The following AUTS2 variants were observed in gnomAD, a reference collection of about 807,000 sequenced individuals.
AUTS2 encodes the protein activator of transcription and developmental regulator AUTS2.
A neutral mutation model predicts 112.4 loss-of-function variants in AUTS2; 17 were observed. That is an observed-to-expected ratio of 0.15 (90% CI 0.10 to 0.23). The LOEUF (loss-of-function observed/expected upper bound fraction) is 0.23, where lower values mean the gene tolerates loss of function less well. Among genes scored for constraint, AUTS2 ranks in the 10% least tolerant of loss-of-function variants. The pLI is 1.00. For synonymous variants in AUTS2, 751 were observed against 702.7 expected, an observed-to-expected ratio of 1.07 and a Z score of -1.09; for missense variants, 1,510 against 1,701.6, an observed-to-expected ratio of 0.89 and a Z score of 1.98.
At chr7:70,159,586 C>A (rs191671952) in intron 4 of AUTS2, among the ~76,000 whole-genome samples, 6 of 152,212 alleles carry the variant, frequency 3.9e-5, no homozygotes, top group Admixed American at 1.3e-4. Flanking sequence ...AAATACTGAG[C>A]AGCTTTTTGT....
At chr7:70,217,672 G>A (rs767491520) in intron 4 of AUTS2, among the ~76,000 whole-genome samples, 10 of 152,052 alleles carry the variant, frequency 6.6e-5, no homozygotes, top group Non-Finnish European at 1.3e-4. Context: ...GATTAGCCAG[G>A]GCAGGAGAAG....
At chr7:70,419,593 A>G (rs922553061) in intron 4 of AUTS2, among the ~76,000 whole-genome samples, 2 of 152,212 alleles carry the variant, frequency 1.3e-5, no homozygotes, top group Non-Finnish European at 2.9e-5. Context: ...TTTTAAACAA[A>G]TTATTATAGA....
At chr7:70,725,206 A>T (rs1786955939) in intron 6 of AUTS2, among the ~76,000 whole-genome samples, 1 of 152,202 alleles carries the variant, frequency 6.6e-6, no homozygotes, top group Non-Finnish European at 1.5e-5. Flanking sequence ...TGGACTTTGA[A>T]AGTGGTTTAC....
At chr7:70,384,092 T>C (rs1395311424) in intron 4 of AUTS2, among the ~76,000 whole-genome samples, 1 of 152,216 alleles carries the variant, frequency 6.6e-6, no homozygotes, top group Non-Finnish European at 1.5e-5. Flanking sequence ...AAGTGAAGCT[T>C]GACGGGAACA....
chr7:69,619,878 AAC>A (rs1447909455), intron 1 of AUTS2, among the ~76,000 whole-genome samples: 3 of 152,138 alleles, frequency 2.0e-5, no homozygotes, highest in Admixed American at 6.6e-5. Context: ...TGATGTGTCT[AAC>A]ACAGAAAAAG....
intron 5 of AUTS2, among the ~76,000 whole-genome samples, chr7:70,520,300 C>T (rs1799590485): frequency 6.6e-6 from 1 of 152,204 alleles, no homozygotes; most frequent in South Asian, 2.1e-4. Context: ...TGGAATAAAA[C>T]CCAAGTCTGT....
chr7:70,251,766 T>C (rs1433414976), intron 4 of AUTS2, among the ~76,000 whole-genome samples: 1 of 152,128 alleles, frequency 6.6e-6, no homozygotes, highest in Non-Finnish European at 1.5e-5. Flanking sequence ...TCAATTTTGA[T>C]TAATATAGTT....
intron 6 of AUTS2, among the ~76,000 whole-genome samples, chr7:70,724,697 G>A (rs774790506): frequency 4.0e-5 from 6 of 151,616 alleles, no homozygotes; most frequent in Non-Finnish European, 7.4e-5. Flanking sequence ...CGCTTGCCTC[G>A]GCCTCCCAAA....
chr7:69,932,724 T>C (rs768716902), intron 2 of AUTS2, among the ~76,000 whole-genome samples: 4 of 152,240 alleles, frequency 2.6e-5, no homozygotes, highest in Non-Finnish European at 4.4e-5. Flanking sequence ...GACTTCAGCT[T>C]CTACTTTAGT....
chr7:70,149,117 ATGTTATTACCAT>A (rs143711479), intron 4 of AUTS2, among the ~76,000 whole-genome samples: 6,796 of 152,166 alleles, frequency 0.045, 189 homozygotes, highest in East Asian at 0.12. Flanking sequence ...TATTTCTAAG[ATGTTATTACCAT>A]GCAGTATGCT....
intron 5 of AUTS2, among the ~76,000 whole-genome samples, chr7:70,652,834 T>G (rs561666320): frequency 2.0e-5 from 3 of 152,350 alleles, no homozygotes; most frequent in African/African-American, 7.2e-5. Context: ...GCAATGGTGG[T>G]GTTTTTTGGT....
chr7:70,263,884 C>T (rs1402278390), intron 4 of AUTS2, among the ~76,000 whole-genome samples: 2 of 152,186 alleles, frequency 1.3e-5, no homozygotes, highest in East Asian at 3.8e-4. Flanking sequence ...TAATTTCCTT[C>T]AAGAGCCTGA....
rs546959320 is a variant in AUTS2 at position 70,457,557 on chromosome 7, C to T, written c.690+21776C>T. ...GTCCACAACCAATATGACTAAAGTA[C>T]GGTGGAAAGACAAGTATTTTTTGTC... On this transcript the variant is annotated intron_variant, in intron 5 of 18. Coordinates refer to ENST00000342771, the MANE Select transcript of AUTS2 (RefSeq NM_015570.4). Among the ~76,000 whole-genome samples the T allele has an allele frequency of 5.3e-5, 8 of 152,150 alleles. No individual in the cohort carries two copies. The East Asian group carries it at 9.6e-4, about 18-fold the overall frequency.
chr7:70,183,479 A>T (rs1359890074), intron 4 of AUTS2, among the ~76,000 whole-genome samples: 1 of 152,032 alleles, frequency 6.6e-6, no homozygotes, highest in Non-Finnish European at 1.5e-5. Context: ...CCCTCCCCTC[A>T]TGGTTTTGGC....
At position 70,790,515 on chromosome 7, in the gene AUTS2, C is replaced by T. The variant is rs555021087; in HGVS notation, c.3299C>T (p.Pro1100Leu). 2.5e-6 allele frequency: 4 copies of T among 1,611,042 alleles called. No individual in the cohort carries two copies. The highest frequency in any genetic ancestry group is 3.4e-6 in the Non-Finnish European group (4 of 1,179,098). The change falls in exon 19 of 19, where the codon CCG (proline) becomes CTG (leucine). Residue 1100 changes from proline (P) to leucine (L), a missense_variant. This residue lies in a region of AUTS2 where 788 missense variants were observed against 797.6 expected (regional missense o/e 0.99). Coordinates refer to ENST00000342771, the MANE Select transcript of AUTS2 (RefSeq NM_015570.4). The surrounding 1 kb of genome is among the most constrained non-coding windows in gnomAD (Gnocchi z 7.6). ...LGRDFLLRND[P>L]LHRLSTPRLY... is the part of the protein sequence containing the mutation. ...AGGGACTTCCTGCTAAGGAACGACCCGCTCCACCGGCTCTCGACTCCCCGG... is the reference window on the plus strand; with the variant it reads ...AGGGACTTCCTGCTAAGGAACGACCTGCTCCACCGGCTCTCGACTCCCCGG...
chr7:69,997,593 AG>A (rs1445998478), intron 2 of AUTS2, among the ~76,000 whole-genome samples: 1 of 152,202 alleles, frequency 6.6e-6, no homozygotes, highest in African/African-American at 2.4e-5. Flanking sequence ...TGAAGGCCTC[AG>A]GAAGTGTTTA....
chr7:70,496,199 C>T (rs375466596), intron 5 of AUTS2, among the ~76,000 whole-genome samples: 33 of 108,638 alleles, frequency 3.0e-4, no homozygotes, highest in East Asian at 3.1e-4. Context: ...CACATGCACA[C>T]GTCACATCAG....
intron 1 of AUTS2, among the ~76,000 whole-genome samples, chr7:69,626,981 C>T (rs1439093136): frequency 6.6e-6 from 1 of 152,104 alleles, no homozygotes; most frequent in African/African-American, 2.4e-5. Context: ...AACATTAACC[C>T]CCAAATGCAG....
At chr7:70,534,182 A>G (rs1800213195) in intron 5 of AUTS2, among the ~76,000 whole-genome samples, 1 of 152,124 alleles carries the variant, frequency 6.6e-6, no homozygotes, top group Non-Finnish European at 1.5e-5. Context: ...CAAGTGTACT[A>G]ATGTTCAAGC....
Sources: allele counts gnomAD v4.1 joint callset (sites outside exome capture counted in the v4.1 genomes callset), GRCh38; gene constraint gnomAD v4.1.1; regional missense constraint gnomAD v4.1.1; non-coding constraint Gnocchi (gnomAD v3.1); transcripts MANE v1.5; gene names NCBI Gene and HGNC (gene_info 2026-07-23, HGNC 2026-07-21).